The following PRKCE variants were observed in gnomAD, a reference collection of about 807,000 sequenced individuals.
PRKCE encodes protein kinase C epsilon type.
PRKCE carries 16 observed loss-of-function variants against 85.4 expected under a neutral mutation model. That is an observed-to-expected ratio of 0.19 (90% CI 0.13 to 0.28). The LOEUF is 0.28. PRKCE is among the 10% of genes least tolerant of loss of function. PRKCE has a pLI of 1.00. For synonymous variants in PRKCE, 388 were observed against 371.5 expected (o/e 1.04, Z -0.51); for missense variants, 573 against 975.2 (o/e 0.59, Z 5.49).
intron 2 of PRKCE, among the ~76,000 whole-genome samples, chr2:45,941,099 C>A (rs1699850054): frequency 7.4e-6 from 1 of 134,246 alleles, no homozygotes; most frequent in African/African-American, 2.7e-5. Flanking sequence ...ATGATAGGCA[C>A]CTATTCCCTA....
intron 2 of PRKCE, among the ~76,000 whole-genome samples, chr2:45,891,387 C>T (rs539515985): frequency 1.3e-5 from 2 of 152,290 alleles, no homozygotes; most frequent in South Asian, 4.1e-4. Context: ...GCAAAGCACA[C>T]CCTGCCATGC....
intron 10 of PRKCE, among the ~76,000 whole-genome samples, chr2:46,015,787 G>A (rs1706089710): frequency 6.6e-6 from 1 of 151,464 alleles, no homozygotes; most frequent in Non-Finnish European, 1.5e-5. Flanking sequence ...TAAACGAGCT[G>A]ACAGAGCCGT....
intron 1 of PRKCE, among the ~76,000 whole-genome samples, chr2:45,813,706 A>T (rs1048444918): frequency 6.6e-6 from 1 of 152,182 alleles, no homozygotes; most frequent in African/African-American, 2.4e-5. Flanking sequence ...TACAGCAAGA[A>T]AAAAGAACAC....
intron 2 of PRKCE, among the ~76,000 whole-genome samples, chr2:45,881,912 A>T: frequency 6.6e-6 from 1 of 152,180 alleles, no homozygotes; most frequent in East Asian, 1.9e-4. Context: ...CCCCTGGAGC[A>T]TGTGGAGCTC....
intron 1 of PRKCE, among the ~76,000 whole-genome samples, chr2:45,807,568 C>T (rs893262447): frequency 1.3e-5 from 2 of 152,202 alleles, no homozygotes; most frequent in African/African-American, 4.8e-5. Context: ...AATCATTCCT[C>T]CAGACAAATC....
intron 1 of PRKCE, among the ~76,000 whole-genome samples, chr2:45,725,483 T>C (rs1248235574): frequency 6.6e-6 from 1 of 152,192 alleles, no homozygotes; most frequent in Admixed American, 6.5e-5. Flanking sequence ...CTGCCATAGA[T>C]ATTGATTTCT....
intron 1 of PRKCE, among the ~76,000 whole-genome samples, chr2:45,819,584 G>A (rs113136127): frequency 2.4e-4 from 37 of 152,226 alleles, no homozygotes; most frequent in South Asian, 2.1e-4. Flanking sequence ...GGTTTTTCAC[G>A]TTCCTGGGCC....
intron 2 of PRKCE, among the ~76,000 whole-genome samples, chr2:45,875,037 A>G (rs937910888): frequency 1.3e-5 from 2 of 151,742 alleles, no homozygotes; most frequent in Non-Finnish European, 2.9e-5. Flanking sequence ...ACACATACCC[A>G]CATTACACAC....
chr2:45,741,490 G>C (rs985141672), intron 1 of PRKCE, among the ~76,000 whole-genome samples: 5 of 152,172 alleles, frequency 3.3e-5, no homozygotes, highest in South Asian at 2.1e-4. Context: ...GGCAGACAGA[G>C]AGCCAAGGTT....
chr2:45,820,270 A>G (rs1171521744), intron 1 of PRKCE, among the ~76,000 whole-genome samples: 1 of 152,170 alleles, frequency 6.6e-6, no homozygotes, highest in Admixed American at 6.5e-5. Flanking sequence ...CACTTGAGAA[A>G]CATGTGGGGA....
chr2:45,856,023 C>A (rs530004472), intron 2 of PRKCE, among the ~76,000 whole-genome samples: 6 of 152,004 alleles, frequency 3.9e-5, no homozygotes, highest in East Asian at 1.9e-4. Flanking sequence ...AAAAACAAAA[C>A]CCTTATAGAA....
chr2:46,130,267 A>G (rs1674290861), intron 11 of PRKCE, among the ~76,000 whole-genome samples: 1 of 152,086 alleles, frequency 6.6e-6, no homozygotes, highest in African/African-American at 2.4e-5. Flanking sequence ...TATTTACACT[A>G]TATGTATATA....
At chr2:45,909,679 T>C (rs551861443) in intron 2 of PRKCE, among the ~76,000 whole-genome samples, 5 of 152,350 alleles carry the variant, frequency 3.3e-5, no homozygotes, top group Admixed American at 2.6e-4. Context: ...TGTGCTTAGT[T>C]TTCCTGGTGA....
At chr2:46,032,105 C>G (rs374162663) in intron 10 of PRKCE, among the ~76,000 whole-genome samples, 5 of 152,340 alleles carry the variant, frequency 3.3e-5, no homozygotes, top group African/African-American at 1.2e-4. Context: ...TTAGTTAAAA[C>G]ATGTATGGCC....
chr2:45,709,815 T>C (rs1679453932), intron 1 of PRKCE, among the ~76,000 whole-genome samples: 1 of 152,228 alleles, frequency 6.6e-6, no homozygotes, highest in South Asian at 2.1e-4. Context: ...CATGTATCTT[T>C]TTTTTTGTTT....
intron 2 of PRKCE, among the ~76,000 whole-genome samples, chr2:45,937,572 A>G (rs765282354): frequency 3.3e-5 from 5 of 152,158 alleles, no homozygotes; most frequent in Admixed American, 6.5e-5. Flanking sequence ...AAAATTAGCC[A>G]GGCCTGGTGG....
chr2:46,141,446 A>G (rs1476037322), intron 11 of PRKCE, among the ~76,000 whole-genome samples: 1 of 152,232 alleles, frequency 6.6e-6, no homozygotes, highest in Non-Finnish European at 1.5e-5. Flanking sequence ...AGTATGATCA[A>G]GAGAATACAC....
At chr2:46,127,645 T>A (rs1191523584) in intron 11 of PRKCE, among the ~76,000 whole-genome samples, 1 of 152,250 alleles carries the variant, frequency 6.6e-6, no homozygotes, top group Non-Finnish European at 1.5e-5. Context: ...AGTTCTGAGT[T>A]GGTAAATCTT....
intron 2 of PRKCE, among the ~76,000 whole-genome samples, chr2:45,893,386 C>T (rs1285940440): frequency 6.7e-6 from 1 of 149,574 alleles, no homozygotes; most frequent in East Asian, 2.0e-4. Flanking sequence ...AGGTCTCACC[C>T]TCTTGACCTC....
Sources: allele counts gnomAD v4.1 joint callset (sites outside exome capture counted in the v4.1 genomes callset), GRCh38; gene constraint gnomAD v4.1.1; transcripts MANE v1.5; gene names NCBI Gene and HGNC (gene_info 2026-07-23, HGNC 2026-07-21).